ADAM10: variants seen among roughly 807,000 people sequenced by gnomAD.
ADAM10 encodes ADAM metallopeptidase domain 10, also known as disintegrin and metalloproteinase domain-containing protein 10.
Under a neutral mutation model 90.1 loss-of-function variants are expected in ADAM10, and 17 were observed. The observed-to-expected ratio is 0.19, with a 90% CI of 0.13 to 0.28. The LOEUF is 0.28. ADAM10 is among the 10% of genes least tolerant of loss of function. The probability of loss-of-function intolerance (pLI) is 1.00; values close to 1 mark genes in which losing one functional copy is unlikely to be tolerated. For missense variants in ADAM10, 610 were observed against 914.3 expected (o/e 0.67, Z 4.29); for synonymous variants, 310 against 298.6 (o/e 1.04, Z -0.40).
chr15:58,627,154 G>C (rs931521474), intron 10 of ADAM10, among the ~76,000 whole-genome samples: 1 of 152,066 alleles, frequency 6.6e-6, no homozygotes, highest in Non-Finnish European at 1.5e-5. Context: ...GCTGTATACT[G>C]AGTTAAACAG....
At chr15:58,718,137 A>T (rs1474243455) in intron 1 of ADAM10, among the ~76,000 whole-genome samples, 2 of 152,048 alleles carry the variant, frequency 1.3e-5, no homozygotes, top group Admixed American at 6.6e-5. Flanking sequence ...TCCCTAATAA[A>T]AATAAAAAAT....
At chr15:58,606,522 G>C (rs145808245) in intron 14 of ADAM10, among the ~76,000 whole-genome samples, 9 of 152,274 alleles carry the variant, frequency 5.9e-5, no homozygotes, top group Non-Finnish European at 1.0e-4. Flanking sequence ...ACTATATGCT[G>C]AAAACCTTAC....
At chr15:58,749,142 G>A (rs943170326) in intron 1 of ADAM10, 11 of 398,398 alleles carry the variant, frequency 2.8e-5, no homozygotes, top group South Asian at 1.4e-4. Context: ...CTGGAGGGAT[G>A]CAGCCACCAG....
intron 1 of ADAM10, 30 bp downstream of exon 1, chr15:58,749,439 CCGTGGTCGCGG>C: frequency 6.6e-7 from 1 of 1,519,906 alleles, no homozygotes; most frequent in Non-Finnish European, 8.8e-7. Flanking sequence ...CGCCGCTCCG[CCGTGGTCGCGG>C]CGCCCCCGGC....
At chr15:58,722,726 CTTT>C (rs71116592) in intron 1 of ADAM10, among the ~76,000 whole-genome samples, 4 of 103,994 alleles carry the variant, frequency 3.8e-5, no homozygotes, top group African/African-American at 7.5e-5. Flanking sequence ...AATTTGAGAA[CTTT>C]TTTTTTTTTT....
intron 10 of ADAM10, among the ~76,000 whole-genome samples, chr15:58,624,115 C>T (rs762657756): frequency 5.3e-5 from 8 of 152,038 alleles, no homozygotes; most frequent in Non-Finnish European, 1.0e-4. Flanking sequence ...AAAACCCCGT[C>T]TCTCCTAAAA....
chr15:58,680,771 T>C (rs966130503), intron 3 of ADAM10, among the ~76,000 whole-genome samples: 3 of 152,188 alleles, frequency 2.0e-5, no homozygotes, highest in South Asian at 2.1e-4. Flanking sequence ...GAATTAATCA[T>C]AGACTGGAGG....
chr15:58,625,139 C>T (rs150132646), intron 10 of ADAM10, among the ~76,000 whole-genome samples: 1 of 152,146 alleles, frequency 6.6e-6, no homozygotes, highest in African/African-American at 2.4e-5. Flanking sequence ...CCAATCAATA[C>T]AATAAAAAAC....
At chr15:58,677,904 G>A (rs1465611563) in intron 4 of ADAM10, among the ~76,000 whole-genome samples, 1 of 152,094 alleles carries the variant, frequency 6.6e-6, no homozygotes, top group East Asian at 1.9e-4. Flanking sequence ...TGATAGGGGA[G>A]GTAACCCTGC....
At chr15:58,633,420 A>AAT in intron 8 of ADAM10, 61 bp from the exon 9 acceptor site, 1 of 1,357,414 alleles carries the variant, frequency 7.4e-7, no homozygotes, top group East Asian at 2.3e-5. Flanking sequence ...CCAAAAAGGT[A>AAT]ATACATGCTA....
intron 1 of ADAM10, among the ~76,000 whole-genome samples, chr15:58,734,593 G>A (rs372848279): frequency 1.3e-5 from 2 of 152,114 alleles, no homozygotes; most frequent in South Asian, 2.1e-4. Flanking sequence ...CCAGCTACTT[G>A]GGGGGTTGAG....
At chr15:58,668,962 G>T (rs2046751178) in intron 4 of ADAM10, among the ~76,000 whole-genome samples, 1 of 152,116 alleles carries the variant, frequency 6.6e-6, no homozygotes, top group Non-Finnish European at 1.5e-5. Context: ...CTACGGCAAA[G>T]TGTGTTCTAA....
chr15:58,691,924 C>T (rs1182774425), intron 2 of ADAM10, among the ~76,000 whole-genome samples: 1 of 152,070 alleles, frequency 6.6e-6, no homozygotes. Context: ...GATCTGCCCG[C>T]CTCAGCCTCC....
chr15:58,656,274 CTA>C (rs1377923521), intron 5 of ADAM10, among the ~76,000 whole-genome samples: 1 of 152,110 alleles, frequency 6.6e-6, no homozygotes, highest in Non-Finnish European at 1.5e-5. Flanking sequence ...TTTAGCTACT[CTA>C]TGTCTTTTGA....
At chr15:58,720,582 T>C (rs1387615320) in intron 1 of ADAM10, among the ~76,000 whole-genome samples, 1 of 150,538 alleles carries the variant, frequency 6.6e-6, no homozygotes, top group East Asian at 2.0e-4. Context: ...TTTGTATTTT[T>C]AGTAGAGACG....
intron 4 of ADAM10, among the ~76,000 whole-genome samples, 188 bp downstream of exon 4, chr15:58,678,936 G>C (rs941827288): frequency 6.6e-6 from 1 of 152,146 alleles, no homozygotes; most frequent in Non-Finnish European, 1.5e-5. Context: ...ACTGGCAATG[G>C]ACTGACAAGG....
intron 2 of ADAM10, among the ~76,000 whole-genome samples, chr15:58,695,197 G>C (rs1266607819): frequency 6.6e-6 from 1 of 152,042 alleles, no homozygotes; most frequent in Non-Finnish European, 1.5e-5. Flanking sequence ...GGCTTCCCAG[G>C]TACAAGAACT....
At chr15:58,627,951 C>A in intron 9 of ADAM10, 68 bp from the exon 10 acceptor site, 5 of 1,461,606 alleles carry the variant, frequency 3.4e-6, no homozygotes, top group East Asian at 4.6e-5. Flanking sequence ...ACTGATTAAA[C>A]GTAATGTTCT....
intron 4 of ADAM10, among the ~76,000 whole-genome samples, chr15:58,667,529 T>C (rs1291106515): frequency 1.3e-5 from 2 of 152,092 alleles, no homozygotes; most frequent in African/African-American, 4.8e-5. Flanking sequence ...TGGATGGTAA[T>C]CCCTCCAATA....
Sources: allele counts gnomAD v4.1 joint callset (sites outside exome capture counted in the v4.1 genomes callset), GRCh38; gene constraint gnomAD v4.1.1; transcripts MANE v1.5; gene names NCBI Gene and HGNC (gene_info 2026-07-23, HGNC 2026-07-21).